RBFOX1: variants seen among roughly 807,000 people sequenced by gnomAD.
RBFOX1 encodes RNA binding fox-1 homolog 1, also known as RNA binding protein fox-1 homolog 1.
In RBFOX1, 8 loss-of-function variants were observed where a neutral mutation model predicts 57.7. That is an observed-to-expected ratio of 0.14 (90% CI 0.08 to 0.25). RBFOX1 has a LOEUF of 0.25. Ranked by LOEUF, RBFOX1 falls within the 10% of genes least tolerant of loss-of-function variation. The probability of loss-of-function intolerance (pLI) is 1.00; values close to 1 mark genes in which losing one functional copy is unlikely to be tolerated. For missense variants in RBFOX1, 611 were observed against 548.5 expected, an observed-to-expected ratio of 1.11 and a Z score of -1.14; for synonymous variants, 326 against 222.4, an observed-to-expected ratio of 1.47 and a Z score of -4.15.
At chr16:6,527,068 T>C (rs988207827) in intron 2 of RBFOX1, among the ~76,000 whole-genome samples, 1 of 152,088 alleles carries the variant, frequency 6.6e-6, no homozygotes, top group Non-Finnish European at 1.5e-5. Flanking sequence ...GACTATATTT[T>C]TCCATTAGTC....
At chr16:7,441,794 A>T (rs972205095) in intron 4 of RBFOX1, among the ~76,000 whole-genome samples, 1 of 152,180 alleles carries the variant, frequency 6.6e-6, no homozygotes, top group African/African-American at 2.4e-5. Context: ...CTCCCAGGTC[A>T]ACACAGACCC....
At chr16:5,815,145 A>C (rs1014440325) in intron 3 of RBFOX1, among the ~76,000 whole-genome samples, 1 of 130,662 alleles carries the variant, frequency 7.7e-6, no homozygotes, top group Admixed American at 8.2e-5. Context: ...AGGCCTGGCT[A>C]ATTTAATTTA....
chr16:7,367,948 A>G (rs2097490564), intron 4 of RBFOX1, among the ~76,000 whole-genome samples: 1 of 151,922 alleles, frequency 6.6e-6, no homozygotes, highest in South Asian at 2.1e-4. Context: ...TCATTAGCCC[A>G]AGGGTCACCA....
chr16:7,220,671 G>T (rs1443705697), intron 4 of RBFOX1, among the ~76,000 whole-genome samples: 1 of 152,148 alleles, frequency 6.6e-6, no homozygotes, highest in Non-Finnish European at 1.5e-5. Context: ...TGTACATGGG[G>T]GGATGGCAGT....
At chr16:7,191,985 G>A (rs1034141677) in intron 4 of RBFOX1, among the ~76,000 whole-genome samples, 2 of 152,180 alleles carry the variant, frequency 1.3e-5, no homozygotes, top group African/African-American at 2.4e-5. Flanking sequence ...CTGCACAAAC[G>A]GCCCTGGTGA....
At chr16:7,645,977 T>C (rs1447100187) in intron 11 of RBFOX1, among the ~76,000 whole-genome samples, 1 of 149,886 alleles carries the variant, frequency 6.7e-6, no homozygotes, top group Non-Finnish European at 1.5e-5. Context: ...TGCGAAACTC[T>C]GAAATTACTG....
chr16:5,699,726 G>T (rs2050969878), intron 3 of RBFOX1, among the ~76,000 whole-genome samples: 2 of 152,152 alleles, frequency 1.3e-5, no homozygotes, highest in South Asian at 4.1e-4. Flanking sequence ...GCTCTTCATT[G>T]TACAAAATTA....
chr16:6,133,941 TC>T (rs1234100572), intron 1 of RBFOX1, among the ~76,000 whole-genome samples: 1 of 151,892 alleles, frequency 6.6e-6, no homozygotes, highest in Non-Finnish European at 1.5e-5. Context: ...TTCTTTCTTT[TC>T]TTTTTTTTTT....
In RBFOX1 at chr16:6,692,265, T is replaced by C. The variant is rs1032631433; in HGVS notation, c.-16+37615T>C. Reference sequence around the variant, plus strand: ...TGTAAGATCACCCAGGGAGTAAACGTGTGTCTGAGCTGTGGTTTGGATTCA... The same window carrying C: ...TGTAAGATCACCCAGGGAGTAAACGCGTGTCTGAGCTGTGGTTTGGATTCA... On this transcript the variant is annotated intron_variant, in intron 3 of 15. Transcript: ENST00000550418. Among the ~76,000 whole-genome samples the C allele has an allele frequency of 2.6e-5, 4 of 151,926 alleles. No homozygotes were observed. The South Asian group carries it at 8.3e-4, about 32-fold the overall frequency.
At chr16:5,797,741 ATTT>A (rs1597296687) in intron 3 of RBFOX1, among the ~76,000 whole-genome samples, 1 of 152,208 alleles carries the variant, frequency 6.6e-6, no homozygotes, top group East Asian at 1.9e-4. Flanking sequence ...GACCATTTAG[ATTT>A]TATTGGAATT....
chr16:5,895,887 C>G (rs1041705039), intron 4 of RBFOX1, among the ~76,000 whole-genome samples: 1 of 152,126 alleles, frequency 6.6e-6, no homozygotes, highest in Admixed American at 6.5e-5. Flanking sequence ...AAAATATTAT[C>G]ATGTTCCCAA....
chr16:6,231,666 T>A (rs998366579), intron 1 of RBFOX1, among the ~76,000 whole-genome samples: 1 of 152,230 alleles, frequency 6.6e-6, no homozygotes, highest in African/African-American at 2.4e-5. Context: ...ACAATCACTG[T>A]GAGCCAGAAT....
At position 7,201,223 on chromosome 16, in the gene RBFOX1, T is replaced by C. The variant is rs573494669; in HGVS notation, c.27+149125T>C. Among the ~76,000 whole-genome samples the C allele has an allele frequency of 9.9e-5, 15 of 152,070 alleles. No homozygotes were observed. The East Asian group carries it at 2.9e-3, about 30-fold the overall frequency. On this transcript the variant is annotated intron_variant, in intron 4 of 15. Coordinates refer to ENST00000550418, the MANE Select transcript of RBFOX1 (RefSeq NM_018723.4). ...TATATGCACCTCTCAGGGAGAAACA[T>C]CCCAAACCAAAGGAATGCCAGATAC...
intron 3 of RBFOX1, among the ~76,000 whole-genome samples, chr16:5,790,890 A>T (rs1172644750): frequency 1.4e-5 from 2 of 138,216 alleles, no homozygotes; most frequent in African/African-American, 2.7e-5. Context: ...TTTTTTTGAG[A>T]CATGATTTCA....
rs569762215 is a variant in RBFOX1, at chr16:6,670,356, C to A, written c.-16+15706C>A. 2.0e-5 allele frequency among the ~76,000 whole-genome samples: 3 copies of A among 152,178 alleles called. No homozygotes were observed. In the South Asian group the frequency reaches 6.2e-4, roughly 32 times the overall value. On this transcript the variant is annotated intron_variant, in intron 3 of 15. Coordinates refer to ENST00000550418, the MANE Select transcript of RBFOX1 (RefSeq NM_018723.4). ...AAATGCTGGGATTACAGGGGTGAGC[C>A]ACTGCTCCCAGACAAACATATGTAT...
At chr16:6,686,178 C>T (rs949450608) in intron 3 of RBFOX1, among the ~76,000 whole-genome samples, 3 of 152,146 alleles carry the variant, frequency 2.0e-5, no homozygotes, top group Non-Finnish European at 4.4e-5. Flanking sequence ...CAAATCCCTT[C>T]GATGTAATCA....
At chr16:7,131,459 C>A (rs954364275) in intron 4 of RBFOX1, among the ~76,000 whole-genome samples, 2 of 148,264 alleles carry the variant, frequency 1.3e-5, no homozygotes, top group Admixed American at 6.8e-5. Flanking sequence ...GCTTCTGCTC[C>A]GGTAGGTTTC....
intron 2 of RBFOX1, among the ~76,000 whole-genome samples, chr16:6,522,581 AG>A (rs949597844): frequency 2.0e-5 from 3 of 152,228 alleles, no homozygotes; most frequent in African/African-American, 7.2e-5. Flanking sequence ...GGAAAGTGTG[AG>A]GGTGGCTTGT....
chr16:5,900,751 G>A (rs1437071533), intron 4 of RBFOX1, among the ~76,000 whole-genome samples: 1 of 152,138 alleles, frequency 6.6e-6, no homozygotes, highest in African/African-American at 2.4e-5. Flanking sequence ...TGAGAGGAGG[G>A]GATGGTGCCA....
Sources: allele counts gnomAD v4.1 joint callset (sites outside exome capture counted in the v4.1 genomes callset), GRCh38; gene constraint gnomAD v4.1.1; transcripts MANE v1.5; gene names NCBI Gene and HGNC (gene_info 2026-07-23, HGNC 2026-07-21).